USP30: variants seen among roughly 807,000 people sequenced by gnomAD.
The protein encoded by USP30 is ubiquitin carboxyl-terminal hydrolase 30.
A neutral mutation model predicts 68.2 loss-of-function variants in USP30; 41 were observed. The observed-to-expected ratio is 0.60, with a 90% confidence interval of 0.47 to 0.78. The LOEUF (loss-of-function observed/expected upper bound fraction) is 0.78. Among genes scored for constraint, USP30 ranks in the 30% least tolerant of loss-of-function variants. USP30 has a pLI of 0.00. For synonymous variants in USP30, 229 were observed against 253.7 expected, an observed-to-expected ratio of 0.90 and a Z score of 0.93; for missense variants, 522 against 649.4, an observed-to-expected ratio of 0.80 and a Z score of 2.13.
intron 7 of USP30, among the ~76,000 whole-genome samples, chr12:109,078,965 TC>T: frequency 2.0e-5 from 3 of 152,348 alleles, no homozygotes; most frequent in Middle Eastern, 3.4e-3. Flanking sequence ...TTTATATCAT[TC>T]TTGTCTATGT....
chr12:109,048,447 G>A (rs1370121726), upstream of USP30, among the ~76,000 whole-genome samples: 1 of 151,864 alleles, frequency 6.6e-6, no homozygotes, highest in East Asian at 1.9e-4. Flanking sequence ...AGGGGTTGAA[G>A]GGGGGTGGAG....
chr12:109,067,044 T>C (rs768278207), intron 3 of USP30, among the ~76,000 whole-genome samples: 1 of 152,032 alleles, frequency 6.6e-6, no homozygotes, highest in Admixed American at 6.6e-5. Context: ...GTACTAAGCA[T>C]TGGGTAAAGC....
In USP30 at chr12:109,085,479, A is replaced by G. The variant is rs566053091; in HGVS notation, c.1290-188A>G. On this transcript the variant is annotated intron_variant, in intron 12 of 12. Coordinates refer to ENST00000257548, the MANE Select transcript of USP30 (RefSeq NM_032663.5). ...ACATCCACATATACACAATATACATATACTCATAGAATGTACATCTTGCCA... is the reference window on the plus strand; with the variant it reads ...ACATCCACATATACACAATATACATGTACTCATAGAATGTACATCTTGCCA... Among the ~76,000 whole-genome samples, 7 of 152,296 alleles carry G rather than the reference A, an allele frequency of 4.6e-5. 1 individual carries two copies. The highest frequency in any genetic ancestry group is 1.7e-4 in the African/African-American group (7 of 41,590).
intron 12 of USP30, among the ~76,000 whole-genome samples, 182 bp downstream of exon 12, chr12:109,085,255 A>T (rs1593302793): frequency 6.6e-6 from 1 of 152,234 alleles, no homozygotes; most frequent in African/African-American, 2.4e-5. Flanking sequence ...TAAATTAAAA[A>T]TTTTTAAAGT....
intron 7 of USP30, among the ~76,000 whole-genome samples, chr12:109,078,875 TG>T (rs1271138321): frequency 6.6e-6 from 1 of 152,216 alleles, no homozygotes; most frequent in Non-Finnish European, 1.5e-5. Context: ...GCCGTGGTTT[TG>T]CTTTGGTTTA....
intron 11 of USP30, among the ~76,000 whole-genome samples, chr12:109,083,559 G>A (rs770141071): frequency 7.2e-5 from 11 of 151,988 alleles, no homozygotes; most frequent in South Asian, 2.1e-4. Context: ...TATTATCGCC[G>A]GTCTTACTGA....
At chr12:109,063,823 A>G (rs1027588299) in intron 3 of USP30, among the ~76,000 whole-genome samples, 1 of 148,464 alleles carries the variant, frequency 6.7e-6, no homozygotes, top group Admixed American at 6.7e-5. Flanking sequence ...CATTTTGTCT[A>G]TCTTTTTGGG....
At chr12:109,083,127 A>G in intron 11 of USP30, 65 bp downstream of exon 11, 1 of 1,490,576 alleles carries the variant, frequency 6.7e-7, no homozygotes, top group African/African-American at 1.4e-5. Flanking sequence ...GTTTGGCATC[A>G]CCACCTTCTG....
At chr12:109,072,683 A>G (rs2041483034) in intron 6 of USP30, among the ~76,000 whole-genome samples, 1 of 152,308 alleles carries the variant, frequency 6.6e-6, no homozygotes, top group African/African-American at 2.4e-5. Flanking sequence ...ATTCTATTGC[A>G]TATTACCACA....
At chr12:109,060,779 C>T (rs1057266529) in intron 3 of USP30, among the ~76,000 whole-genome samples, 32 of 152,072 alleles carry the variant, frequency 2.1e-4, no homozygotes, top group Middle Eastern at 6.8e-3. Flanking sequence ...CTCAGCCTCC[C>T]GAGTAGCTGG....
chr12:109,085,375 A>G (rs2041916479), intron 12 of USP30, among the ~76,000 whole-genome samples: 1 of 152,218 alleles, frequency 6.6e-6, no homozygotes, highest in South Asian at 2.1e-4. Flanking sequence ...CCAATTAAAC[A>G]CTTAGGGTCA....
intron 7 of USP30, among the ~76,000 whole-genome samples, chr12:109,079,512 T>G (rs566267363): frequency 6.6e-6 from 1 of 151,760 alleles, no homozygotes; most frequent in South Asian, 2.1e-4. Context: ...TACAGGTGTG[T>G]GCCACCACAC....
rs958400132 is a variant in USP30 at position 109,081,641 on chromosome 12, A to G, written c.780+248A>G. On this transcript the variant is annotated intron_variant, in intron 8 of 12. Coordinates refer to ENST00000257548, the MANE Select transcript of USP30 (RefSeq NM_032663.5). ...CATGCGCGCACACACACACACACACACACACACACACACACACACACAGAC... is the reference window on the plus strand; with the variant it reads ...CATGCGCGCACACACACACACACACGCACACACACACACACACACACAGAC... 1.3e-4 allele frequency: 76 copies of G among 591,438 alleles called. 1 individual carries two copies. Among genetic ancestry groups the G allele is most frequent in the Non-Finnish European group, 1.9e-4 (65 of 333,984 alleles). 36.6% of individuals were successfully genotyped at this position (591,438 alleles called of 1,614,324 possible).
intron 9 of USP30, 51 bp from the exon 10 acceptor site, chr12:109,082,612 A>G (rs1216418846): frequency 6.3e-7 from 1 of 1,585,620 alleles, no homozygotes. Flanking sequence ...CAGCACTCCA[A>G]AGCTGTCCTA....
chr12:109,064,449 G>C (rs1299365639), intron 3 of USP30, among the ~76,000 whole-genome samples: 2 of 151,894 alleles, frequency 1.3e-5, no homozygotes, highest in African/African-American at 2.4e-5. Context: ...GGTGTTTGCT[G>C]TTGCTGTTTT....
intron 3 of USP30, among the ~76,000 whole-genome samples, chr12:109,059,545 G>A (rs909878184): frequency 6.6e-6 from 1 of 150,936 alleles, no homozygotes; most frequent in Non-Finnish European, 1.5e-5. Flanking sequence ...ACAGAGTCTT[G>A]TTCTGTTGCC....
At chr12:109,065,696 A>G (rs1346040537) in intron 3 of USP30, among the ~76,000 whole-genome samples, 5 of 152,224 alleles carry the variant, frequency 3.3e-5, no homozygotes, top group Non-Finnish European at 5.9e-5. Context: ...AAGGATCTCT[A>G]TCTCCAGTCC....
At chr12:109,064,860 T>TG (rs1209481843) in intron 3 of USP30, among the ~76,000 whole-genome samples, 2 of 146,938 alleles carry the variant, frequency 1.4e-5, no homozygotes, top group Non-Finnish European at 3.0e-5. Context: ...AATTTTCCTT[T>TG]GGGGGGTAGT....
chr12:109,066,886 G>A (rs563616976), intron 3 of USP30, among the ~76,000 whole-genome samples: 9 of 152,216 alleles, frequency 5.9e-5, no homozygotes, highest in African/African-American at 1.9e-4. Context: ...TGAAAGTTGT[G>A]AGTTAAAATC....
Sources: allele counts gnomAD v4.1 joint callset (sites outside exome capture counted in the v4.1 genomes callset), GRCh38; gene constraint gnomAD v4.1.1; transcripts MANE v1.5; gene names NCBI Gene and HGNC (gene_info 2026-07-23, HGNC 2026-07-21).